The following ST3GAL3 variants were observed in gnomAD, a reference collection of about 807,000 sequenced individuals.
ST3GAL3 encodes the protein CMP-N-acetylneuraminate-beta-1,4-galactoside alpha-2,3-sialyltransferase.
Under a neutral mutation model 50.1 loss-of-function variants are expected in ST3GAL3, and 21 were observed. The ratio of observed to expected loss-of-function variants is 0.42; its 90% confidence interval spans 0.30 to 0.60. The LOEUF is 0.60. Ranked by LOEUF, ST3GAL3 falls within the 20% of genes least tolerant of loss-of-function variation. The pLI is 0.19. For missense variants in ST3GAL3, 353 were observed against 489.4 expected (o/e 0.72, Z 2.63); for synonymous variants, 183 against 190.0 (o/e 0.96, Z 0.30).
At chr1:43,804,305 G>C (rs532443509) in intron 3 of ST3GAL3, among the ~76,000 whole-genome samples, 49 of 152,180 alleles carry the variant, frequency 3.2e-4, no homozygotes, top group African/African-American at 1.2e-3. Context: ...CTCTGCTCCT[G>C]TATTCCTGGA....
At chr1:43,885,434 G>GCGTGC (rs2075820158) in intron 5 of ST3GAL3, among the ~76,000 whole-genome samples, 1 of 151,928 alleles carries the variant, frequency 6.6e-6, no homozygotes, top group Non-Finnish European at 1.5e-5. Context: ...AGGCTGCCTC[G>GCGTGC]CGTGCCGGGG....
chr1:43,717,909 G>A (rs1029150742), intron 1 of ST3GAL3, among the ~76,000 whole-genome samples: 7 of 149,964 alleles, frequency 4.7e-5, no homozygotes, highest in African/African-American at 7.4e-5. Flanking sequence ...TTTCACTCTT[G>A]TTGCCCAGGC....
chr1:43,809,178 A>T (rs1465745181), intron 3 of ST3GAL3, among the ~76,000 whole-genome samples: 1 of 152,196 alleles, frequency 6.6e-6, no homozygotes, highest in Non-Finnish European at 1.5e-5. Flanking sequence ...CTTAGAGATG[A>T]CACAAATGAG....
At chr1:43,773,633 G>C (rs1456417158) in intron 2 of ST3GAL3, among the ~76,000 whole-genome samples, 1 of 152,212 alleles carries the variant, frequency 6.6e-6, no homozygotes, top group African/African-American at 2.4e-5. Context: ...AAAGTAAGGT[G>C]CAGAGTTTTT....
At chr1:43,772,129 A>C (rs1406373221) in intron 2 of ST3GAL3, 1 of 397,946 alleles carries the variant, frequency 2.5e-6, no homozygotes, top group African/African-American at 2.1e-5. Context: ...TGCTCACCGC[A>C]ACCTCCGCCT....
At chr1:43,837,353 G>GACC (rs3838470) in intron 4 of ST3GAL3, among the ~76,000 whole-genome samples, 129,924 of 151,904 alleles carry the variant, frequency 0.86, 55,788 homozygotes, top group East Asian at 0.91. Context: ...CAGGCAGAGA[G>GACC]AGGAAACCAT....
In ST3GAL3 at chr1:43,899,306, C is replaced by T. The variant is rs1270907497; in HGVS notation, c.557+43C>T. The T allele has an allele frequency of 1.2e-6, 2 of 1,613,954 alleles. No homozygotes were observed. The highest frequency in any genetic ancestry group is 8.5e-7 in the Non-Finnish European group (1 of 1,180,028). ...GCACCTCGGGTGAGTGTCGTGGCCC[C>T]AACCCTTAGTCCTGAGCCCATTGAG... On this transcript the variant is annotated intron_variant, in intron 8 of 11. Coordinates refer to ENST00000347631, the MANE Select transcript of ST3GAL3 (RefSeq NM_006279.5). The surrounding 1 kb of genome is among the most constrained non-coding windows in gnomAD (Gnocchi z 5.4).
Position 43,898,315 on chromosome 1 carries a change from G to A in ST3GAL3, c.461+17G>A. Reference sequence around the variant, plus strand: ...CTTGGACAGGTGAGCCACACACTGTGCAGCCTCCTACCCACCGCTGCCTGG... The same window carrying A: ...CTTGGACAGGTGAGCCACACACTGTACAGCCTCCTACCCACCGCTGCCTGG... On this transcript the variant is annotated intron_variant, in intron 7 of 11. Transcript: ENST00000347631. 6.2e-7 allele frequency: 1 copy of A among 1,612,616 alleles called. No individual in the cohort carries two copies. The highest frequency in any genetic ancestry group is 8.5e-7 in the Non-Finnish European group (1 of 1,179,918).
rs568985840 is a variant in ST3GAL3 at position 43,814,576 on chromosome 1, A to G, written c.167-315A>G. Among the ~76,000 whole-genome samples the G allele has an allele frequency of 3.3e-5, 5 of 152,292 alleles. No individual in the cohort carries two copies. The South Asian group carries it at 6.2e-4, about 19-fold the overall frequency. On this transcript the variant is annotated intron_variant, in intron 3 of 11. Coordinates refer to ENST00000347631, the MANE Select transcript of ST3GAL3 (RefSeq NM_006279.5). ...CTGCATCTGAGCCTCTTGCTTTTCC[A>G]GGTTCCAGTTTCATGGTTTACTAAA...
chr1:43,809,478 G>A (rs564866787), intron 3 of ST3GAL3, among the ~76,000 whole-genome samples: 1 of 152,064 alleles, frequency 6.6e-6, no homozygotes, highest in Non-Finnish European at 1.5e-5. Context: ...GAGGAAGGAG[G>A]ATAGCTTGAG....
chr1:43,803,834 T>G (rs2059588695), intron 3 of ST3GAL3, among the ~76,000 whole-genome samples: 1 of 152,148 alleles, frequency 6.6e-6, no homozygotes, highest in Non-Finnish European at 1.5e-5. Context: ...GAGGGGAAGG[T>G]CAGGGATTTG....
At chr1:43,744,861 T>G (rs1364719871) in intron 2 of ST3GAL3, among the ~76,000 whole-genome samples, 1 of 151,660 alleles carries the variant, frequency 6.6e-6, no homozygotes, top group Admixed American at 6.6e-5. Context: ...CGTGATGGCA[T>G]GTGCCTGTAA....
chr1:43,715,316 A>G (rs1666841810), intron 1 of ST3GAL3, among the ~76,000 whole-genome samples: 1 of 152,146 alleles, frequency 6.6e-6, no homozygotes, highest in Non-Finnish European at 1.5e-5. Context: ...GCTCACGCCT[A>G]TAATCCCAGC....
chr1:43,818,632 C>G (rs2061703136), intron 4 of ST3GAL3, among the ~76,000 whole-genome samples: 1 of 152,042 alleles, frequency 6.6e-6, no homozygotes, highest in East Asian at 1.9e-4. Flanking sequence ...GAGGAGTACT[C>G]ACAAAGATTT....
intron 9 of ST3GAL3, among the ~76,000 whole-genome samples, chr1:43,915,231 T>C (rs180908787): frequency 3.3e-4 from 51 of 152,248 alleles, no homozygotes; most frequent in Non-Finnish European, 5.3e-4. Flanking sequence ...CTGGGCGCCC[T>C]GGGTGGAGGT....
intron 9 of ST3GAL3, among the ~76,000 whole-genome samples, chr1:43,903,377 C>A (rs2078617116): frequency 5.3e-5 from 8 of 152,186 alleles, no homozygotes; most frequent in Admixed American, 5.2e-4. Context: ...TGCCAGCCTC[C>A]CCCACTGCGC....
chr1:43,870,121 T>G (rs760481812), intron 5 of ST3GAL3, among the ~76,000 whole-genome samples: 1 of 152,202 alleles, frequency 6.6e-6, no homozygotes, highest in Non-Finnish European at 1.5e-5. Flanking sequence ...CCACCTTCTC[T>G]CTTTGGACAA....
intron 4 of ST3GAL3, among the ~76,000 whole-genome samples, chr1:43,836,467 G>T (rs2064340978): frequency 6.6e-6 from 1 of 152,166 alleles, no homozygotes; most frequent in African/African-American, 2.4e-5. Flanking sequence ...TAAGGCTCTG[G>T]GCTAGGCCCG....
chr1:43,713,522 AT>A (rs556526111), intron 1 of ST3GAL3, among the ~76,000 whole-genome samples: 290 of 122,120 alleles, frequency 2.4e-3, no homozygotes, highest in African/African-American at 5.9e-3. Context: ...ACGTTGTGGG[AT>A]TTTTTTTTTT....
Sources: gnomAD v4.1 joint callset for allele counts (sites outside exome capture counted in the v4.1 genomes callset) on GRCh38, gnomAD v4.1.1 for gene constraint, Gnocchi (gnomAD v3.1) non-coding constraint, MANE v1.5 for transcripts, NCBI Gene and HGNC (gene_info 2026-07-23, HGNC 2026-07-21) for gene names.